ROCK1: variants seen among roughly 807,000 people sequenced by gnomAD.
The protein encoded by ROCK1 is Rho associated coiled-coil containing protein kinase 1.
A neutral mutation model predicts 196.8 loss-of-function variants in ROCK1; 36 were observed. The observed-to-expected ratio is 0.18, with a 90% CI of 0.14 to 0.24. ROCK1 has a LOEUF of 0.24. Among genes scored for constraint, ROCK1 ranks in the 10% least tolerant of loss-of-function variants. ROCK1 has a pLI of 1.00. For missense variants in ROCK1, 920 were observed against 1,562.0 expected, an observed-to-expected ratio of 0.59 and a Z score of 6.93; for synonymous variants, 443 against 515.9, an observed-to-expected ratio of 0.86 and a Z score of 1.91.
intron 12 of ROCK1, among the ~76,000 whole-genome samples, chr18:21,019,729 C>T (rs368577890): frequency 9.6e-4 from 145 of 150,644 alleles, no homozygotes; most frequent in East Asian, 1.2e-3. Flanking sequence ...ACCCGGGAGG[C>T]GGAGCTTGCA....
chr18:21,007,905 AAT>A (rs1418782719), intron 14 of ROCK1, among the ~76,000 whole-genome samples, 152 bp downstream of exon 14: 4 of 152,138 alleles, frequency 2.6e-5, no homozygotes, highest in African/African-American at 9.7e-5. Flanking sequence ...ATTACTATTT[AAT>A]ATGTTATAAA....
chr18:21,015,515 C>A (rs769785557), intron 12 of ROCK1, 36 bp from the exon 13 acceptor site: 2 of 1,293,374 alleles, frequency 1.5e-6, no homozygotes, highest in East Asian at 2.3e-5. Context: ...TAGAAATATA[C>A]GTATTTCTTA....
chr18:20,958,712 T>C (rs2035270817), intron 29 of ROCK1, among the ~76,000 whole-genome samples: 2 of 150,556 alleles, frequency 1.3e-5, no homozygotes, highest in Admixed American at 1.3e-4. Flanking sequence ...TATAAAATGG[T>C]GTGGTATTTG....
chr18:21,035,777 T>C (rs2036051667), intron 9 of ROCK1, among the ~76,000 whole-genome samples: 1 of 152,202 alleles, frequency 6.6e-6, no homozygotes, highest in South Asian at 2.1e-4. Flanking sequence ...ATGACATGAA[T>C]GAACCTTGAA....
intron 14 of ROCK1, 133 bp downstream of exon 14, chr18:21,007,926 G>A (rs1172461691): frequency 4.9e-6 from 2 of 409,602 alleles, no homozygotes; most frequent in African/African-American, 2.1e-5. Flanking sequence ...AATTTAACCT[G>A]AGACCTGGGT....
At chr18:21,084,330 T>C (rs1426090355) in intron 1 of ROCK1, among the ~76,000 whole-genome samples, 1 of 150,980 alleles carries the variant, frequency 6.6e-6, no homozygotes, top group African/African-American at 2.4e-5. Flanking sequence ...CAGAGTGAAA[T>C]GGCAATCCAC....
At chr18:21,039,654 G>A (rs565024717) in intron 8 of ROCK1, 91 bp from the exon 9 acceptor site, 2 of 843,782 alleles carry the variant, frequency 2.4e-6, no homozygotes, top group Non-Finnish European at 4.0e-6. Context: ...TATTAAATCA[G>A]TGTAGGACGA....
chr18:20,997,792 T>C (rs1775440209), intron 16 of ROCK1, among the ~76,000 whole-genome samples: 2 of 151,768 alleles, frequency 1.3e-5, no homozygotes. Flanking sequence ...GTATCTATCT[T>C]CTCTGACCAC....
rs779726528 is a variant in ROCK1, at chr18:21,045,502, A to T, written c.415-35T>A. The T allele has an allele frequency of 2.2e-5, 32 of 1,465,840 alleles. 1 individual carries two copies. In the South Asian group the frequency reaches 4.2e-4, roughly 19 times the overall value. 90.8% of individuals were successfully genotyped at this position (1,465,840 alleles called of 1,614,324 possible). The stretch of plus-strand genomic sequence containing the variant: ...TAGAAAAAACAAACAAAACACATTC[A>T]TTAATGTTAAACAAAATTGTTTCAC... On this transcript the variant is annotated intron_variant, in intron 4 of 32. Coordinates refer to ENST00000399799, the MANE Select transcript of ROCK1 (RefSeq NM_005406.3).
At position 20,978,510 on chromosome 18, in the gene ROCK1, G is replaced by GT. The variant is rs1452889363; in HGVS notation, c.2654+1399dup. Reference sequence around the variant, plus strand: ...CTACTGAGCACCTGAAATACGACTAGTACATCTGAGGAACTAAGTTTTAAT... The same window carrying GT: ...CTACTGAGCACCTGAAATACGACTAGTTACATCTGAGGAACTAAGTTTTAAT... On this transcript the variant is annotated intron_variant, in intron 22 of 32. Transcript: ENST00000399799. Among the ~76,000 whole-genome samples, 8 of 152,148 alleles carry GT rather than the reference G, an allele frequency of 5.3e-5. No individual in the cohort carries two copies. In the East Asian group the frequency reaches 1.5e-3, roughly 29 times the overall value.
chr18:21,087,239 C>A (rs1403955546), intron 1 of ROCK1, among the ~76,000 whole-genome samples: 1 of 151,810 alleles, frequency 6.6e-6, no homozygotes, highest in African/African-American at 2.4e-5. Flanking sequence ...TCAAGTGGCC[C>A]AGGAAGGCAA....
intron 1 of ROCK1, among the ~76,000 whole-genome samples, chr18:21,071,654 T>A: frequency 6.6e-6 from 1 of 152,184 alleles, no homozygotes; most frequent in East Asian, 1.9e-4. Context: ...AGTCTCACTC[T>A]TTAGTAAATG....
At chr18:21,010,082 C>A (rs1568382615) in intron 13 of ROCK1, among the ~76,000 whole-genome samples, 1 of 152,036 alleles carries the variant, frequency 6.6e-6, no homozygotes, top group Non-Finnish European at 1.5e-5. Context: ...TAATTTGTGT[C>A]CTCTCTTTTT....
intron 27 of ROCK1, among the ~76,000 whole-genome samples, chr18:20,964,624 A>G (rs531628262): frequency 6.6e-6 from 1 of 152,346 alleles, no homozygotes; most frequent in Non-Finnish European, 1.5e-5. Flanking sequence ...CTCTTCTAGC[A>G]AGGGAGAATG....
chr18:20,965,083 G>A (rs1280644193), intron 27 of ROCK1, among the ~76,000 whole-genome samples: 1 of 152,088 alleles, frequency 6.6e-6, no homozygotes, highest in Non-Finnish European at 1.5e-5. Context: ...TCAGGATTTC[G>A]AACTGACACT....
rs768941730 is a variant in ROCK1, at chr18:21,006,415, T to C, written c.1821A>G (p.Gln607=). ...CTCTTCGTTCAGCTTCTAATATAGC[T>C]TGCAGCTGGTAATAATCTTTGTCTG... ...SQTDKDYYQL[Q]AILEAERRDR... Residue 607 remains glutamine, a synonymous_variant, in exon 16 of 33, where the codon CAA becomes CAG. Transcript: ENST00000399799. The C allele has an allele frequency of 1.2e-6, 2 of 1,613,592 alleles. No homozygotes were observed. Among genetic ancestry groups the C allele is most frequent in the Non-Finnish European group, 1.7e-6 (2 of 1,179,966 alleles).
chr18:20,949,631 C>T lies in ROCK1; in HGVS notation c.*1753G>A, dbSNP rs1379764662. 3 of 152,268 alleles carry T rather than the reference C, an allele frequency of 2.0e-5. No individual in the cohort carries two copies. In the East Asian group the frequency reaches 5.8e-4, roughly 29 times the overall value. The allele number at this position is 152,268 out of a possible 1,614,324, so 9.4% of individuals were successfully genotyped here. On this transcript the variant is annotated 3_prime_UTR_variant, in exon 33 of 33. Coordinates refer to ENST00000399799, the MANE Select transcript of ROCK1 (RefSeq NM_005406.3). ...AGAAAGGTTGTCAGAGCCTCTGCTT[C>T]CCTGATGTGTAGAAATGCAAGAGAC...
chr18:20,967,964 A>G (rs768456506), intron 25 of ROCK1, 24 bp from the exon 26 acceptor site: 20 of 1,449,644 alleles, frequency 1.4e-5, no homozygotes, highest in Non-Finnish European at 1.9e-5. Flanking sequence ...ATTAATAAAG[A>G]TCAATAGTGT....
intron 13 of ROCK1, among the ~76,000 whole-genome samples, chr18:21,012,725 C>T (rs1264515580): frequency 2.6e-5 from 4 of 152,270 alleles, no homozygotes; most frequent in East Asian, 3.9e-4. Flanking sequence ...TTTCTTCCCA[C>T]GCCCTTTCTC....
Sources: gnomAD v4.1 joint callset for allele counts (sites outside exome capture counted in the v4.1 genomes callset) on GRCh38, gnomAD v4.1.1 for gene constraint, MANE v1.5 for transcripts, NCBI Gene and HGNC (gene_info 2026-07-23, HGNC 2026-07-21) for gene names.